ARID1A: variants seen among roughly 807,000 people sequenced by gnomAD.
ARID1A encodes AT-rich interaction domain 1A, also known as AT-rich interactive domain-containing protein 1A.
In ARID1A, 20 loss-of-function variants were observed where a neutral mutation model predicts 212.6. The ratio of observed to expected loss-of-function variants is 0.09; its 90% CI spans 0.07 to 0.14. The LOEUF is 0.14. ARID1A is among the 10% of genes least tolerant of loss of function. ARID1A has a pLI of 1.00. For synonymous variants in ARID1A, 1,376 were observed against 1,222.1 expected (o/e 1.13, Z -2.63); for missense variants, 2,587 against 3,059.0 (o/e 0.85, Z 3.64).
intron 1 of ARID1A, among the ~76,000 whole-genome samples, chr1:26,707,366 G>C (rs531543599): frequency 1.6e-4 from 24 of 151,660 alleles, no homozygotes; most frequent in Non-Finnish European, 3.1e-4. Context: ...CTTCCACCAC[G>C]CCCTGCTAAT....
Position 26,774,575 on chromosome 1 carries a change from G to C in ARID1A, c.4348G>C (p.Gly1450Arg). 1 of 1,614,156 alleles carries C rather than the reference G, an allele frequency of 6.2e-7. No homozygotes were observed. The highest frequency in any genetic ancestry group is 1.3e-5 in the African/African-American group (1 of 75,042). The change falls in exon 18 of 20, where the codon GGC (glycine) becomes CGC (arginine). Residue 1450 changes from glycine (G) to arginine (R), a missense_variant. Physicochemically the swap from Gly to Arg is moderately radical, Grantham distance 125. This residue lies in a region of ARID1A where 890 missense variants were observed against 1,098.2 expected (regional missense o/e 0.81). Coordinates refer to ENST00000324856, the MANE Select transcript of ARID1A (RefSeq NM_006015.6). The surrounding 1 kb of genome is among the most constrained non-coding windows in gnomAD (Gnocchi z 5.6). Reference protein sequence around the residue: ...TAATERRPAGGPQNQFPFQFG... With the variant: ...TAATERRPAGRPQNQFPFQFG... ...TGCTACTGAGCGCCGACCAGCAGGC[G>C]GCCCCCAGAACCAATTTCCATTCCA...
intron 4 of ARID1A, among the ~76,000 whole-genome samples, chr1:26,738,707 C>T (rs545931703): frequency 5.3e-5 from 8 of 151,510 alleles, no homozygotes; most frequent in African/African-American, 1.2e-4. Context: ...TACAGGTGTG[C>T]GCCACCACTC....
intron 1 of ARID1A, among the ~76,000 whole-genome samples, chr1:26,721,117 G>T (rs1284260629): frequency 6.6e-6 from 1 of 152,116 alleles, no homozygotes. Context: ...AAGTTGTAAA[G>T]AAGGGGACGT....
chr1:26,699,534 C>G (rs532330581), intron 1 of ARID1A, among the ~76,000 whole-genome samples: 8 of 152,278 alleles, frequency 5.3e-5, no homozygotes, highest in African/African-American at 1.9e-4. Flanking sequence ...AGATGGTGGG[C>G]TTGGAGCTCT....
At chr1:26,750,815 A>T (rs1362724962) in intron 4 of ARID1A, among the ~76,000 whole-genome samples, 1 of 151,916 alleles carries the variant, frequency 6.6e-6, no homozygotes, top group African/African-American at 2.4e-5. Context: ...CTGTCCTCTT[A>T]CACATTAAGT....
At chr1:26,762,028 G>C in intron 6 of ARID1A, 124 bp from the exon 7 acceptor site, 1 of 1,129,636 alleles carries the variant, frequency 8.9e-7, no homozygotes. Context: ...TAGAAAATCA[G>C]ATAGAGACTC....
chr1:26,756,035 G>A (rs1424102144), intron 4 of ARID1A, among the ~76,000 whole-genome samples: 2 of 151,782 alleles, frequency 1.3e-5, no homozygotes, highest in Non-Finnish European at 2.9e-5. Context: ...GAGCCACCGC[G>A]CCTGGCCAAG....
intron 4 of ARID1A, chr1:26,753,333 A>G (rs899165023): frequency 4.6e-5 from 7 of 152,228 alleles, no homozygotes; most frequent in African/African-American, 1.4e-4. Flanking sequence ...GAGCCTGACA[A>G]ACTCATGCTG....
At chr1:26,739,024 T>C (rs993397309) in intron 4 of ARID1A, among the ~76,000 whole-genome samples, 3 of 151,852 alleles carry the variant, frequency 2.0e-5, no homozygotes, top group Non-Finnish European at 4.4e-5. Context: ...GTAGCTGGGA[T>C]TACGGGCACC....
intron 1 of ARID1A, among the ~76,000 whole-genome samples, chr1:26,707,283 A>C (rs2080402407): frequency 7.7e-6 from 1 of 129,978 alleles, no homozygotes; most frequent in African/African-American, 3.0e-5. Flanking sequence ...ATCTCGGCTC[A>C]CTGCAACCTC....
intron 1 of ARID1A, among the ~76,000 whole-genome samples, chr1:26,723,595 C>G (rs896205981): frequency 6.6e-6 from 1 of 152,160 alleles, no homozygotes; most frequent in Non-Finnish European, 1.5e-5. Context: ...CCAGAGATTA[C>G]GAGCACTAAC....
rs2124742634 is a variant in ARID1A at position 26,697,001 on chromosome 1, C to A, written c.598C>A (p.Gln200Lys). 1 of 1,527,212 alleles carries A rather than the reference C, an allele frequency of 6.5e-7. No individual in the cohort carries two copies. The highest frequency in any genetic ancestry group is 8.8e-7 in the Non-Finnish European group (1 of 1,140,784). The allele number at this position is 1,527,212 out of a possible 1,614,324, so 94.6% of individuals were successfully genotyped here. ...GGLEPYAGPQ[Q>K]NSHDHGFPNH... The stretch of plus-strand genomic sequence containing the variant: ...CCTGGAGCCCTACGCGGGGCCCCAG[C>A]AGAACTCTCACGACCACGGCTTCCC... The change falls in exon 1 of 20, where the codon CAG (glutamine) becomes AAG (lysine). Residue 200 changes from glutamine (Q) to lysine (K), a missense_variant. Physicochemically the swap from Gln to Lys is moderately conservative, Grantham distance 53 (BLOSUM62 1). Around this residue, in one of 11 missense-constraint regions of ARID1A, gnomAD observed 735 missense variants for 590.6 expected, o/e 1.24. Coordinates refer to ENST00000324856, the MANE Select transcript of ARID1A (RefSeq NM_006015.6).
At chr1:26,773,013 C>T (rs1448770818) in intron 14 of ARID1A, 26 bp downstream of exon 14, 1 of 1,592,778 alleles carries the variant, frequency 6.3e-7, no homozygotes, top group Non-Finnish European at 8.6e-7. Context: ...GCTATTTGAA[C>T]TTGTGCTCGT....
intron 12 of ARID1A, 99 bp from the exon 13 acceptor site, chr1:26,772,401 A>G: frequency 6.4e-7 from 1 of 1,561,552 alleles, no homozygotes; most frequent in African/African-American, 1.4e-5. Flanking sequence ...GGCCTTAGGA[A>G]GAACTTTCCC....
chr1:26,714,315 C>A (rs1364980484), intron 1 of ARID1A, among the ~76,000 whole-genome samples: 2 of 152,158 alleles, frequency 1.3e-5, no homozygotes, highest in Non-Finnish European at 2.9e-5. Context: ...TTGAGAAGAA[C>A]TGTAGAATTT....
intron 1 of ARID1A, among the ~76,000 whole-genome samples, chr1:26,698,818 T>TG (rs1447850912): frequency 6.6e-6 from 1 of 152,198 alleles, no homozygotes; most frequent in Non-Finnish European, 1.5e-5. Flanking sequence ...GGGATCTTTA[T>TG]GGGGGGCCAG....
At chr1:26,710,959 T>G (rs1177248719) in intron 1 of ARID1A, among the ~76,000 whole-genome samples, 1 of 152,168 alleles carries the variant, frequency 6.6e-6, no homozygotes, top group Non-Finnish European at 1.5e-5. Flanking sequence ...CATTTACTAC[T>G]TGAAGTCCTG....
chr1:26,752,212 G>A (rs890907222), intron 4 of ARID1A, among the ~76,000 whole-genome samples: 2 of 152,222 alleles, frequency 1.3e-5, no homozygotes, highest in Non-Finnish European at 1.5e-5. Context: ...ACCACCGGGT[G>A]TGAAAGGCAG....
At chr1:26,704,430 T>G (rs528612624) in intron 1 of ARID1A, among the ~76,000 whole-genome samples, 2 of 152,326 alleles carry the variant, frequency 1.3e-5, no homozygotes, top group Admixed American at 1.3e-4. Context: ...GTTGGGACTC[T>G]TAGGCTGCTA....
Sources: allele counts gnomAD v4.1 joint callset (sites outside exome capture counted in the v4.1 genomes callset), GRCh38; gene constraint gnomAD v4.1.1; regional missense constraint gnomAD v4.1.1; non-coding constraint Gnocchi (gnomAD v3.1); transcripts MANE v1.5; gene names NCBI Gene and HGNC (gene_info 2026-07-23, HGNC 2026-07-21).